Variants in RBFOX3 observed in about 807,000 individuals in gnomAD.
The protein encoded by RBFOX3 is RNA binding fox-1 homolog 3.
A neutral mutation model predicts 48.7 loss-of-function variants in RBFOX3; 17 were observed. The ratio of observed to expected loss-of-function variants is 0.35; its 90% CI spans 0.24 to 0.52. RBFOX3 has a LOEUF of 0.52. Ranked by LOEUF, RBFOX3 falls within the 20% of genes least tolerant of loss-of-function variation. The pLI is 0.94. For missense variants in RBFOX3, 382 were observed against 497.5 expected (o/e 0.77, Z 2.21); for synonymous variants, 212 against 209.5 (o/e 1.01, Z -0.10).
the RBFOX3 span, among the ~76,000 whole-genome samples, chr17:79,622,279 C>A: frequency 6.6e-6 from 1 of 152,226 alleles, no homozygotes; most frequent in African/African-American, 2.4e-5. Context: ...GGTGGCAGGA[C>A]CGAGCCCCCT....
rs1380668437 is a variant in RBFOX3 at position 79,477,467 on chromosome 17, A to C, written c.-175+4987T>G. 2.0e-5 allele frequency among the ~76,000 whole-genome samples: 3 copies of C among 151,392 alleles called. No individual in the cohort carries two copies. Among genetic ancestry groups the C allele is most frequent in the Non-Finnish European group, 4.4e-5 (3 of 67,844 alleles). ...GCTACTTGGGAGGCTGAGGCAGGAG[A>C]ATGGCGTGAACCCGGGAGGCGGAGT... On this transcript the variant is annotated intron_variant, in intron 2 of 14. Coordinates refer to ENST00000693108, the MANE Select transcript of RBFOX3 (RefSeq NM_001350451.2). The surrounding 1 kb of genome is among the most constrained non-coding windows in gnomAD (Gnocchi z 4.8).
rs183782710 is a variant in RBFOX3 at position 79,092,492 on chromosome 17, C to T, written c.1078-1607G>A. On this transcript the variant is annotated intron_variant, in intron 14 of 14. Transcript: ENST00000693108. ...GGGGCCAGCCGTGCGTGTCGCTGACCGGGAGGGGTGCACTGTCTTCTGGTG... is the reference window on the plus strand; with the variant it reads ...GGGGCCAGCCGTGCGTGTCGCTGACTGGGAGGGGTGCACTGTCTTCTGGTG... 291 of 985,764 alleles carry T rather than the reference C, an allele frequency of 3.0e-4. 2 individuals carry two copies. The African/African-American group carries it at 4.2e-3, about 14-fold the overall frequency. The allele number at this position is 985,764 out of a possible 1,614,324, so 61.1% of individuals were successfully genotyped here. A position where few individuals can be genotyped will look rare whatever the true frequency, so the allele number is the denominator to read the frequency against.
intron 2 of RBFOX3, among the ~76,000 whole-genome samples, chr17:79,313,355 C>A (rs2077108131): frequency 6.6e-6 from 1 of 152,174 alleles, no homozygotes. Flanking sequence ...CCCAGTGAAG[C>A]ACAGTGAATA....
intron 3 of RBFOX3, among the ~76,000 whole-genome samples, chr17:79,270,543 C>T (rs1229999820): frequency 6.6e-6 from 1 of 152,230 alleles, no homozygotes; most frequent in African/African-American, 2.4e-5. Flanking sequence ...CTCTTCTTTC[C>T]CTTTGCCACT....
rs1201071644 is a variant in RBFOX3 at position 79,103,180 on chromosome 17, T to C, written c.489A>G (p.Val163=). ...TGAGCACCTCAATTTTCCGTCCCTC[T>C]ACGATCGTCCCATTCAGCTTCTCCC... is the stretch of plus-strand genomic sequence containing the variant. ...RAREKLNGTI[V]EGRKIEVNNA... Residue 163 remains valine (V), a synonymous_variant, in exon 8 of 15, where the codon GTA becomes GTG. Coordinates refer to ENST00000693108, the MANE Select transcript of RBFOX3 (RefSeq NM_001350451.2). This position sits in a 1 kb window ranked among gnomAD's most constrained non-coding sequence, Gnocchi z 6.1. 2 of 1,551,204 alleles carry C rather than the reference T, an allele frequency of 1.3e-6. No individual in the cohort carries two copies. The highest frequency in any genetic ancestry group is 2.7e-5 in the African/African-American group (2 of 73,012).
intron 4 of RBFOX3, among the ~76,000 whole-genome samples, chr17:79,140,084 A>T (rs957449973): frequency 6.6e-6 from 1 of 152,190 alleles, no homozygotes; most frequent in Non-Finnish European, 1.5e-5. Flanking sequence ...GGGTTCTGGC[A>T]TCTCCATGGG....
At chr17:79,534,674 C>A (rs928939013) in intron 1 of RBFOX3, among the ~76,000 whole-genome samples, 1 of 152,164 alleles carries the variant, frequency 6.6e-6, no homozygotes, top group African/African-American at 2.4e-5. Context: ...TGGCCATTGC[C>A]GTGCCAGCCC....
chr17:79,137,881 C>T (rs539120311), intron 4 of RBFOX3, among the ~76,000 whole-genome samples: 81 of 152,326 alleles, frequency 5.3e-4, no homozygotes, highest in African/African-American at 1.8e-3. Flanking sequence ...GAGGGAGCCG[C>T]GGCCCGTTCC....
chr17:79,365,791 G>A (rs564794870), intron 2 of RBFOX3, among the ~76,000 whole-genome samples: 2 of 152,314 alleles, frequency 1.3e-5, no homozygotes, highest in African/African-American at 4.8e-5. Flanking sequence ...AGGTAAAGAG[G>A]GCAGGGGCAG....
chr17:79,100,512 G>C (rs947461830), intron 9 of RBFOX3: 5 of 152,196 alleles, frequency 3.3e-5, no homozygotes, highest in Non-Finnish European at 5.9e-5. Flanking sequence ...AGAAGAGCTC[G>C]GGGGAGAGGT....
chr17:79,177,479 C>T (rs1356664501), intron 4 of RBFOX3, among the ~76,000 whole-genome samples: 1 of 152,206 alleles, frequency 6.6e-6, no homozygotes, highest in African/African-American at 2.4e-5. Flanking sequence ...GCGTTCTCCC[C>T]TGCCCTCTGC....
intron 1 of RBFOX3, among the ~76,000 whole-genome samples, chr17:79,520,251 T>G (rs1412419953): frequency 3.9e-5 from 6 of 152,154 alleles, no homozygotes; most frequent in Non-Finnish European, 8.8e-5. Context: ...GCAAAGCAGG[T>G]GACGAGGCAG....
intron 1 of RBFOX3, among the ~76,000 whole-genome samples, chr17:79,538,255 GCATCTGTGTGTGCCTGGCA>G (rs2089164782): frequency 6.6e-6 from 1 of 152,238 alleles, no homozygotes; most frequent in Non-Finnish European, 1.5e-5. Context: ...GGCATCAGGA[GCATCTGTGTGTGCCTGGCA>G]CACAGCAGGA....
At chr17:79,386,261 C>T (rs571738206) in intron 2 of RBFOX3, among the ~76,000 whole-genome samples, 7 of 149,412 alleles carry the variant, frequency 4.7e-5, no homozygotes, top group South Asian at 2.2e-4. Context: ...CCACACCAGA[C>T]GGGGGCTCCA....
chr17:79,637,750 G>A, the RBFOX3 span, among the ~76,000 whole-genome samples: 2 of 110,288 alleles, frequency 1.8e-5, no homozygotes, highest in African/African-American at 6.9e-5. Context: ...GGGGAGGGGA[G>A]AGGAGAGGAG....
intron 3 of RBFOX3, among the ~76,000 whole-genome samples, chr17:79,293,799 T>C (rs2073865299): frequency 6.6e-6 from 1 of 152,142 alleles, no homozygotes; most frequent in Non-Finnish European, 1.5e-5. Context: ...GGCTGACAGA[T>C]AAGCAGGAAG....
intron 4 of RBFOX3, among the ~76,000 whole-genome samples, chr17:79,155,042 G>A (rs565340105): frequency 7.5e-4 from 114 of 152,326 alleles, no homozygotes; most frequent in African/African-American, 2.6e-3. Flanking sequence ...TGGGGGAGGG[G>A]GCAGTGGGCA....
At chr17:79,251,246 T>C (rs2063910815) in intron 3 of RBFOX3, among the ~76,000 whole-genome samples, 1 of 151,996 alleles carries the variant, frequency 6.6e-6, no homozygotes, top group African/African-American at 2.4e-5. Context: ...GCATGTAGGT[T>C]TACAATCCAG....
At chr17:79,451,152 C>A (rs563075904) in intron 2 of RBFOX3, among the ~76,000 whole-genome samples, 1 of 151,838 alleles carries the variant, frequency 6.6e-6, no homozygotes, top group African/African-American at 2.4e-5. Flanking sequence ...TCGAAAGGCA[C>A]AATTATCAGG....
Sources: gnomAD v4.1 joint callset for allele counts (sites outside exome capture counted in the v4.1 genomes callset) on GRCh38, gnomAD v4.1.1 for gene constraint, Gnocchi (gnomAD v3.1) non-coding constraint, MANE v1.5 for transcripts, NCBI Gene and HGNC (gene_info 2026-07-23, HGNC 2026-07-21) for gene names.